The following KCNG2 variants were observed in gnomAD, a reference collection of about 807,000 sequenced individuals.
KCNG2 encodes the protein potassium voltage-gated channel modifier subfamily G member 2.
A neutral mutation model predicts 12.3 loss-of-function variants in KCNG2; 7 were observed. The observed-to-expected ratio is 0.57, with a 90% CI of 0.32 to 1.07. The LOEUF is 1.07. KCNG2 is among the 50% of genes least tolerant of loss of function. The probability of loss-of-function intolerance (pLI) is 0.04; values close to 1 mark genes in which losing one functional copy is unlikely to be tolerated. For missense variants in KCNG2, 703 were observed against 726.0 expected (o/e 0.97, Z 0.36); for synonymous variants, 414 against 351.4 (o/e 1.18, Z -1.99).
In KCNG2 at chr18:79,899,774, C is replaced by T. The variant is rs764940621; in HGVS notation, c.1359C>T (p.Ala453=). Reference sequence around the variant, plus strand: ...AGGGCCCCGACAGCGCGGGCCTGGCCGACGACTCCGCGGATGCGCTGTGGG... The same window carrying T: ...AGGGCCCCGACAGCGCGGGCCTGGCTGACGACTCCGCGGATGCGCTGTGGG... ...SSQGPDSAGL[A]DDSADALWVR... The change falls in exon 4 of 4, where the codon GCC becomes GCT. Residue 453 remains alanine (A), a synonymous_variant. Transcript: ENST00000316249. 2.2e-5 allele frequency: 33 copies of T among 1,492,550 alleles called. No homozygotes were observed. The highest frequency in any genetic ancestry group is 2.7e-5 in the Non-Finnish European group (31 of 1,130,340). The allele number at this position is 1,492,550 out of a possible 1,614,324, so 92.5% of individuals were successfully genotyped here.
rs554459417 is a variant in KCNG2 at position 79,798,010 on chromosome 18, C to T, written c.-119C>T. ...AGCCCGGAGCTCGCGGAGTCTGGAC[C>T]GCAGGTAAAGTTGAGCGCGCCGTGG... On this transcript the variant is annotated 5_prime_UTR_variant, in exon 1 of 4. Transcript: ENST00000316249. 2.0e-5 allele frequency among the ~76,000 whole-genome samples: 3 copies of T among 148,874 alleles called. No homozygotes were observed. The highest frequency in any genetic ancestry group is 4.5e-5 in the Non-Finnish European group (3 of 67,294).
chr18:79,811,372 G>C (rs1283074604), intron 1 of KCNG2, among the ~76,000 whole-genome samples: 1 of 152,154 alleles, frequency 6.6e-6, no homozygotes, highest in Non-Finnish European at 1.5e-5. Flanking sequence ...CATAAGGAGA[G>C]ACATATTGAT....
rs1268189838 is a variant in KCNG2 at position 79,864,239 on chromosome 18, C to T, written c.572C>T (p.Ala191Val). 2 of 1,553,132 alleles carry T rather than the reference C, an allele frequency of 1.3e-6. No homozygotes were observed. The highest frequency in any genetic ancestry group is 8.7e-7 in the Non-Finnish European group (1 of 1,154,280). Residue 191 changes from alanine to valine, a missense_variant, in exon 3 of 4, where the codon GCC (alanine) becomes GTC (valine). Transcript: ENST00000316249. ...TCCGTGTCCTTCGTGGCCGTCACGG[C>T]CGTGGGCCTCTGCCTGAGCACCATG... is the stretch of plus-strand genomic sequence containing the variant. ...CVSVSFVAVT[A>V]VGLCLSTMPD...
rs1981130985 is a variant in KCNG2, at chr18:79,899,627, C to T, written c.1212C>T (p.Ile404=). 6.2e-7 allele frequency: 1 copy of T among 1,603,112 alleles called. No homozygotes were observed. The highest frequency in any genetic ancestry group is 8.5e-7 in the Non-Finnish European group (1 of 1,174,552). The change falls in exon 4 of 4, where the codon ATC becomes ATT. Residue 404 remains isoleucine, a synonymous_variant. Coordinates refer to ENST00000316249, the MANE Select transcript of KCNG2 (RefSeq NM_012283.2). ...TCATGGCCTTCCCGGTCACCTCCAT[C>T]TTCCACACCTTTTCGCGCTCCTACT... The part of the protein sequence containing the change: ...ILLMAFPVTS[I]FHTFSRSYSE...
In KCNG2 at chr18:79,863,625, C is replaced by T. The variant is rs1354725801; in HGVS notation, c.-40-3C>T. The T allele has an allele frequency of 2.5e-6, 3 of 1,201,338 alleles. No homozygotes were observed. The highest frequency in any genetic ancestry group is 3.1e-6 in the Non-Finnish European group (3 of 968,694). 74.4% of individuals were successfully genotyped at this position (1,201,338 alleles called of 1,614,324 possible). A position where few individuals can be genotyped will look rare whatever the true frequency, so the allele number is the denominator to read the frequency against. On this transcript the variant is annotated splice_region_variant and splice_polypyrimidine_tract_variant and intron_variant, in intron 2 of 3. Transcript: ENST00000316249. ...ACCCTAACGCGGTCCGTTCCTTTTG[C>T]AGGAGCCGGGCAGGAGCCCCTCGGT...
chr18:79,838,379 T>C (rs1978364575), intron 1 of KCNG2, among the ~76,000 whole-genome samples: 1 of 151,938 alleles, frequency 6.6e-6, no homozygotes, highest in South Asian at 2.1e-4. Flanking sequence ...GAAATTTAAA[T>C]CATACTTCTA....
At chr18:79,885,809 A>G (rs954667853) in intron 3 of KCNG2, among the ~76,000 whole-genome samples, 1 of 149,940 alleles carries the variant, frequency 6.7e-6, no homozygotes, top group African/African-American at 2.5e-5. Flanking sequence ...GGATGGGAAC[A>G]TAGGGACGTG....
intron 3 of KCNG2, among the ~76,000 whole-genome samples, chr18:79,867,595 T>TGG (rs562435260): frequency 2.4e-5 from 2 of 82,056 alleles, no homozygotes; most frequent in African/African-American, 6.2e-5. Flanking sequence ...GTGTCGTGTC[T>TGG]GGGGGGGGAC....
intron 1 of KCNG2, among the ~76,000 whole-genome samples, chr18:79,853,994 A>G (rs1178789509): frequency 6.6e-6 from 1 of 152,226 alleles, no homozygotes; most frequent in Non-Finnish European, 1.5e-5. Flanking sequence ...AGTGGAATCC[A>G]CCACGCATGG....
At chr18:79,860,772 CT>C (rs1345698405) in intron 2 of KCNG2, among the ~76,000 whole-genome samples, 3 of 152,124 alleles carry the variant, frequency 2.0e-5, no homozygotes, top group African/African-American at 4.8e-5. Flanking sequence ...TATAGTTTTA[CT>C]TTTTTCTTTT....
At chr18:79,883,294 G>A (rs866174848) in intron 3 of KCNG2, among the ~76,000 whole-genome samples, 2 of 152,210 alleles carry the variant, frequency 1.3e-5, no homozygotes, top group African/African-American at 4.8e-5. Flanking sequence ...GGGGAAGCTG[G>A]GGGAGCTGTC....
chr18:79,801,047 C>T (rs924043837), intron 1 of KCNG2, among the ~76,000 whole-genome samples: 11 of 152,192 alleles, frequency 7.2e-5, no homozygotes, highest in African/African-American at 2.7e-4. Flanking sequence ...GACAGCCATG[C>T]GGATGTCCGG....
chr18:79,882,012 AAAC>A (rs937232786), intron 3 of KCNG2, among the ~76,000 whole-genome samples: 2 of 152,222 alleles, frequency 1.3e-5, no homozygotes. Context: ...TATTTTAAAA[AAAC>A]ACAACCCATG....
At chr18:79,805,430 G>A (rs1007650310) in intron 1 of KCNG2, among the ~76,000 whole-genome samples, 18 of 152,308 alleles carry the variant, frequency 1.2e-4, no homozygotes, top group Admixed American at 1.1e-3. Flanking sequence ...CTCCAGACTT[G>A]GGCCCTGCTG....
intron 1 of KCNG2, among the ~76,000 whole-genome samples, chr18:79,809,519 G>A (rs1398351229): frequency 1.1e-5 from 1 of 94,636 alleles, no homozygotes. Flanking sequence ...AGGAGCTGCC[G>A]GGGCCGCGCT....
At chr18:79,866,679 G>T (rs543347850) in intron 3 of KCNG2, among the ~76,000 whole-genome samples, 79 of 141,888 alleles carry the variant, frequency 5.6e-4, no homozygotes, top group Admixed American at 1.1e-3. Context: ...GGTGCTGAGA[G>T]GTCTGGGTGC....
At chr18:79,893,090 ATAT>A (rs1052851139) in intron 3 of KCNG2, among the ~76,000 whole-genome samples, 11 of 150,992 alleles carry the variant, frequency 7.3e-5, no homozygotes, top group Admixed American at 5.3e-4. Context: ...TTCACATCTA[ATAT>A]TATGATTCAT....
intron 3 of KCNG2, among the ~76,000 whole-genome samples, chr18:79,894,025 C>T (rs1980850578): frequency 6.6e-6 from 1 of 151,574 alleles, no homozygotes; most frequent in African/African-American, 2.4e-5. Context: ...GGTTTCTTCA[C>T]TCCATTCACA....
chr18:79,887,932 G>T (rs1227151537), intron 3 of KCNG2, among the ~76,000 whole-genome samples: 2 of 152,176 alleles, frequency 1.3e-5, no homozygotes, highest in Admixed American at 6.5e-5. Flanking sequence ...CGAATGGGGA[G>T]TGGATGTCTG....
Sources: gnomAD v4.1 joint callset for allele counts (sites outside exome capture counted in the v4.1 genomes callset) on GRCh38, gnomAD v4.1.1 for gene constraint, MANE v1.5 for transcripts, NCBI Gene and HGNC (gene_info 2026-07-23, HGNC 2026-07-21) for gene names.